Variants in TMEM267 observed in about 807,000 individuals in gnomAD.
TMEM267 encodes the protein transmembrane protein 267.
A neutral mutation model predicts 19.3 loss-of-function variants in TMEM267; 20 were observed. The ratio of observed to expected loss-of-function variants is 1.04; its 90% confidence interval spans 0.73 to 1.51. The LOEUF is 1.51. Ranked by LOEUF, TMEM267 falls within the 40% of genes most tolerant of loss-of-function variation. The pLI is 0.00. For synonymous variants in TMEM267, 88 were observed against 90.3 expected (o/e 0.97, Z 0.15); for missense variants, 242 against 261.9 (o/e 0.92, Z 0.52).
intron 1 of TMEM267, among the ~76,000 whole-genome samples, chr5:43,475,667 T>C (rs1358462009): frequency 6.6e-6 from 1 of 152,130 alleles, no homozygotes; most frequent in African/African-American, 2.4e-5. Flanking sequence ...GATAATTACA[T>C]TAGTTTGCAG....
At chr5:43,460,614 A>G (rs575221282) in intron 1 of TMEM267, among the ~76,000 whole-genome samples, 2 of 152,174 alleles carry the variant, frequency 1.3e-5, no homozygotes, top group South Asian at 4.2e-4. Context: ...CCCCTCCCCT[A>G]CACCCCAGAA....
intron 1 of TMEM267, among the ~76,000 whole-genome samples, chr5:43,467,012 C>T (rs780802089): frequency 5.3e-5 from 8 of 151,164 alleles, no homozygotes; most frequent in Non-Finnish European, 7.4e-5. Flanking sequence ...AGCTGTGTGT[C>T]GTGGCGCACA....
At chr5:43,483,540 G>T (rs944165176) in intron 1 of TMEM267, among the ~76,000 whole-genome samples, 1 of 152,160 alleles carries the variant, frequency 6.6e-6, no homozygotes, top group Non-Finnish European at 1.5e-5. Flanking sequence ...GAGGGCTGGG[G>T]TTCTAGGGAT....
chr5:43,469,406 C>T (rs6451703), intron 1 of TMEM267, among the ~76,000 whole-genome samples: 92,979 of 152,082 alleles, frequency 0.61, 31,108 homozygotes, highest in African/African-American at 0.89. Flanking sequence ...AGAAAGATCA[C>T]TCATCATGAC....
intron 1 of TMEM267, among the ~76,000 whole-genome samples, chr5:43,466,174 C>T (rs1743660114): frequency 6.6e-6 from 1 of 151,934 alleles, no homozygotes; most frequent in African/African-American, 2.4e-5. Context: ...ACATTTAACC[C>T]AAAGAAGACT....
chr5:43,461,568 G>C (rs373964065), intron 1 of TMEM267, among the ~76,000 whole-genome samples: 1 of 152,092 alleles, frequency 6.6e-6, no homozygotes, highest in Admixed American at 6.5e-5. Flanking sequence ...TGCCCTAAAG[G>C]GTGGGTCTCA....
intron 1 of TMEM267, among the ~76,000 whole-genome samples, chr5:43,462,102 T>G (rs932881153): frequency 6.6e-6 from 1 of 152,160 alleles, no homozygotes; most frequent in Admixed American, 6.5e-5. Context: ...AAACAGACTG[T>G]TTGAGGGAAA....
At chr5:43,472,893 A>G in intron 1 of TMEM267, among the ~76,000 whole-genome samples, 1 of 130,426 alleles carries the variant, frequency 7.7e-6, no homozygotes, top group Admixed American at 7.0e-5. Flanking sequence ...TAATCCCAGC[A>G]CTTCAGGAGG....
chr5:43,452,325 C>T (rs1436203951), intron 2 of TMEM267, among the ~76,000 whole-genome samples: 1 of 151,884 alleles, frequency 6.6e-6, no homozygotes, highest in Admixed American at 6.6e-5. Flanking sequence ...GGCCATTATC[C>T]TTAGTGAAAT....
chr5:43,469,285 A>G (rs1286259140), intron 1 of TMEM267, among the ~76,000 whole-genome samples: 1 of 152,174 alleles, frequency 6.6e-6, no homozygotes, highest in East Asian at 1.9e-4. Context: ...GTTTTTTGGA[A>G]AAGTTAAACA....
chr5:43,453,531 A>G (rs1742737540), intron 2 of TMEM267, 127 bp downstream of exon 2: 3 of 827,766 alleles, frequency 3.6e-6, no homozygotes, highest in Non-Finnish European at 5.6e-6. Context: ...AAGTGGTCAA[A>G]AAGGTTACAT....
intron 1 of TMEM267, among the ~76,000 whole-genome samples, chr5:43,461,033 C>T (rs1014616881): frequency 6.6e-6 from 1 of 152,202 alleles, no homozygotes; most frequent in African/African-American, 2.4e-5. Context: ...TAACCCCATG[C>T]TGCACATCTT....
chr5:43,455,455 A>T (rs968281917), intron 1 of TMEM267, among the ~76,000 whole-genome samples: 2 of 152,094 alleles, frequency 1.3e-5, no homozygotes, highest in Non-Finnish European at 2.9e-5. Flanking sequence ...AAAACAGTGT[A>T]GTATTGGTAT....
At chr5:43,464,554 T>C (rs1389836316) in intron 1 of TMEM267, among the ~76,000 whole-genome samples, 2 of 152,266 alleles carry the variant, frequency 1.3e-5, no homozygotes, top group Non-Finnish European at 2.9e-5. Flanking sequence ...GACTTCAAAC[T>C]ATACTACAAG....
At chr5:43,472,080 A>G (rs1239765923) in intron 1 of TMEM267, among the ~76,000 whole-genome samples, 2 of 152,246 alleles carry the variant, frequency 1.3e-5, no homozygotes, top group African/African-American at 4.8e-5. Flanking sequence ...TAAGTGCTCA[A>G]ACTGCTCTAT....
chr5:43,481,500 A>G (rs1463143809), intron 1 of TMEM267, among the ~76,000 whole-genome samples: 1 of 152,174 alleles, frequency 6.6e-6, no homozygotes, highest in Non-Finnish European at 1.5e-5. Flanking sequence ...GATTACTTGA[A>G]GTATTTACAT....
chr5:43,458,836 C>T (rs1319148397), intron 1 of TMEM267, among the ~76,000 whole-genome samples: 1 of 152,054 alleles, frequency 6.6e-6, no homozygotes, highest in Non-Finnish European at 1.5e-5. Flanking sequence ...CTACTATGCA[C>T]TGAAGGAATG....
intron 1 of TMEM267, among the ~76,000 whole-genome samples, chr5:43,467,457 T>C (rs1743808159): frequency 1.3e-5 from 2 of 152,028 alleles, no homozygotes; most frequent in African/African-American, 2.4e-5. Flanking sequence ...CTGAACAAAA[T>C]AGATTTCAAG....
Position 43,454,218 on chromosome 5 carries a change from T to C in TMEM267, c.-74-175A>G, listed in dbSNP as rs1466722080. 2.0e-5 allele frequency among the ~76,000 whole-genome samples: 3 copies of C among 151,536 alleles called. No individual in the cohort carries two copies. In the East Asian group the frequency reaches 5.8e-4, roughly 29 times the overall value. On this transcript the variant is annotated intron_variant, in intron 1 of 2. Transcript: ENST00000397080. ...GCCCAAGGAGAATAGATTTTTTTTT[T>C]TTTTTTTTTTTTAGGAAGAGCAGGG...
Sources: gnomAD v4.1 joint callset for allele counts (sites outside exome capture counted in the v4.1 genomes callset) on GRCh38, gnomAD v4.1.1 for gene constraint, MANE v1.5 for transcripts, NCBI Gene and HGNC (gene_info 2026-07-23, HGNC 2026-07-21) for gene names.